Variants in ADAM12 observed in about 807,000 individuals in gnomAD.
The protein encoded by ADAM12 is ADAM metallopeptidase domain 12.
In ADAM12, 70 loss-of-function variants were observed where a neutral mutation model predicts 106.4. The ratio of observed to expected loss-of-function variants is 0.66; its 90% CI spans 0.54 to 0.80. ADAM12 has a LOEUF of 0.80. Ranked by LOEUF, ADAM12 falls within the 30% of genes least tolerant of loss-of-function variation. ADAM12 has a pLI of 0.00. For missense variants in ADAM12, 1,010 were observed against 1,171.9 expected (o/e 0.86, Z 2.02); for synonymous variants, 420 against 433.5 (o/e 0.97, Z 0.39).
intron 2 of ADAM12, among the ~76,000 whole-genome samples, chr10:126,316,056 C>A (rs1853855745): frequency 1.3e-5 from 2 of 152,162 alleles, no homozygotes; most frequent in African/African-American, 4.8e-5. Flanking sequence ...TTGTTTTGAA[C>A]TACAAAAGAA....
chr10:126,248,856 C>A (rs1035906625), intron 3 of ADAM12, among the ~76,000 whole-genome samples: 13 of 151,964 alleles, frequency 8.6e-5, no homozygotes, highest in Non-Finnish European at 1.9e-4. Flanking sequence ...CAGACAGGCG[C>A]CATCGTACCT....
intron 3 of ADAM12, among the ~76,000 whole-genome samples, chr10:126,260,020 G>A (rs1442256402): frequency 6.6e-6 from 1 of 152,212 alleles, no homozygotes; most frequent in Non-Finnish European, 1.5e-5. Context: ...ATCTCCCAGA[G>A]GTGACAGTAC....
At chr10:126,251,613 C>CGGGATGGATAGGATGG (rs1958757227) in intron 3 of ADAM12, among the ~76,000 whole-genome samples, 5 of 148,706 alleles carry the variant, frequency 3.4e-5, no homozygotes, top group East Asian at 2.0e-4. Context: ...TGGATGGATG[C>CGGGATGGATAGGATGG]ATGGATAGAT....
intron 3 of ADAM12, among the ~76,000 whole-genome samples, chr10:126,155,704 C>T (rs1226540491): frequency 6.6e-6 from 1 of 152,236 alleles, no homozygotes; most frequent in Non-Finnish European, 1.5e-5. Flanking sequence ...AAGTCACAGT[C>T]TCCACCAACT....
intron 8 of ADAM12, among the ~76,000 whole-genome samples, chr10:126,106,955 C>T (rs939759561): frequency 6.6e-6 from 1 of 152,174 alleles, no homozygotes; most frequent in Non-Finnish European, 1.5e-5. Context: ...AAGATGGCTT[C>T]GTAGAACAGC....
intron 14 of ADAM12, among the ~76,000 whole-genome samples, chr10:126,050,142 T>C (rs1954442477): frequency 6.6e-6 from 1 of 152,244 alleles, no homozygotes; most frequent in Admixed American, 6.5e-5. Context: ...TTCTATGATA[T>C]TTTTAGTCCC....
In ADAM12 at chr10:126,036,228, A is replaced by G; in HGVS notation, c.2447T>C (p.Leu816Pro). 6.4e-7 allele frequency: 1 copy of G among 1,550,502 alleles called. No individual in the cohort carries two copies. Among genetic ancestry groups the G allele is most frequent in the Non-Finnish European group, 8.7e-7 (1 of 1,153,560 alleles). ...VPQPQSTQRV[L>P]PPLHRAPRAP... Reference sequence around the variant, plus strand: ...ACGTGGAGCCCGGTGGAGGGGAGGAAGCACTCGCTGAGTTGACTGGGGCTG... The same window carrying G: ...ACGTGGAGCCCGGTGGAGGGGAGGAGGCACTCGCTGAGTTGACTGGGGCTG... Residue 816 changes from leucine to proline, a missense_variant, in exon 21 of 23, where the codon CTT becomes CCT. Physicochemically the swap from Leu to Pro is moderately conservative, Grantham distance 98 (BLOSUM62 -3). Transcript: ENST00000448723.
chr10:126,277,642 T>C lies in ADAM12; in HGVS notation c.260+1273A>G, dbSNP rs550975474. Among the ~76,000 whole-genome samples, 8 of 152,304 alleles carry C rather than the reference T, an allele frequency of 5.3e-5. No homozygotes were observed. The South Asian group carries it at 1.2e-3, about 24-fold the overall frequency. On this transcript the variant is annotated intron_variant, in intron 3 of 22. Transcript: ENST00000448723. ...TAAGGGAGACGGATCAAAAGCAATATACAGTTTTCTCTTCAGATTCCTGAT... is the reference window on the plus strand; with the variant it reads ...TAAGGGAGACGGATCAAAAGCAATACACAGTTTTCTCTTCAGATTCCTGAT...
intron 21 of ADAM12, among the ~76,000 whole-genome samples, chr10:126,026,671 CTT>C (rs1953879695): frequency 6.6e-6 from 1 of 152,106 alleles, no homozygotes; most frequent in Non-Finnish European, 1.5e-5. Context: ...CTGAATGACT[CTT>C]GGGTAAATAA....
chr10:126,341,162 T>C (rs1240176523), intron 1 of ADAM12, among the ~76,000 whole-genome samples: 4 of 152,182 alleles, frequency 2.6e-5, no homozygotes, highest in Non-Finnish European at 4.4e-5. Context: ...CCAACCCAAG[T>C]TGCTTCCCGG....
At chr10:126,330,075 G>A (rs997243945) in intron 2 of ADAM12, among the ~76,000 whole-genome samples, 20 of 152,106 alleles carry the variant, frequency 1.3e-4, no homozygotes, top group Admixed American at 6.5e-5. Context: ...TCAATTCGAG[G>A]AAATCAATGT....
chr10:126,251,885 A>AGGATGG (rs1565168728), intron 3 of ADAM12, among the ~76,000 whole-genome samples: 10 of 69,118 alleles, frequency 1.4e-4, no homozygotes, highest in African/African-American at 2.6e-4. Context: ...GGATGGATGC[A>AGGATGG]ATGGATGGAT....
At chr10:126,037,619 C>T (rs915788750) in intron 20 of ADAM12, among the ~76,000 whole-genome samples, 3 of 152,018 alleles carry the variant, frequency 2.0e-5, no homozygotes, top group African/African-American at 7.2e-5. Flanking sequence ...CAGAAAAACT[C>T]GGTGGGGAAG....
At chr10:126,301,716 C>T (rs960327144) in intron 2 of ADAM12, among the ~76,000 whole-genome samples, 1 of 151,956 alleles carries the variant, frequency 6.6e-6, no homozygotes, top group Admixed American at 6.6e-5. Context: ...ATATTTAATC[C>T]CAAGCAATAA....
chr10:126,038,253 G>A lies in ADAM12; in HGVS notation c.2337C>T (p.Ser779=). 1.2e-6 allele frequency: 2 copies of A among 1,610,268 alleles called. No individual in the cohort carries two copies. The highest frequency in any genetic ancestry group is 1.7e-6 in the Non-Finnish European group (2 of 1,178,558). The change falls in exon 20 of 23, where the codon TCC becomes TCT. Residue 779 remains serine, a synonymous_variant. Coordinates refer to ENST00000448723, the MANE Select transcript of ADAM12 (RefSeq NM_001288973.2). ...ACTCAAGACTCACCTTCGGTGGGTA[G>A]GAATCTGGCGGCTTCCTCATCAGGC... ...GKGLMRKPPD[S]YPPKDNPRRL...
At chr10:126,203,669 C>G (rs897034659) in intron 3 of ADAM12, among the ~76,000 whole-genome samples, 2 of 152,238 alleles carry the variant, frequency 1.3e-5, no homozygotes, top group African/African-American at 2.4e-5. Flanking sequence ...GCTTATCTGA[C>G]AGGATCTGAT....
At chr10:126,029,543 A>C (rs891885245) in intron 21 of ADAM12, among the ~76,000 whole-genome samples, 2 of 152,168 alleles carry the variant, frequency 1.3e-5, no homozygotes, top group Admixed American at 6.5e-5. Context: ...GAATGATGAG[A>C]ACACATGGAC....
At chr10:126,116,858 C>T (rs1955993001) in intron 6 of ADAM12, among the ~76,000 whole-genome samples, 1 of 152,086 alleles carries the variant, frequency 6.6e-6, no homozygotes, top group Non-Finnish European at 1.5e-5. Context: ...TAGAAGGTAT[C>T]ATTTGGGATA....
intron 22 of ADAM12, 83 bp downstream of exon 22, chr10:126,019,612 C>T (rs1460943680): frequency 1.3e-6 from 2 of 1,543,560 alleles, no homozygotes; most frequent in Non-Finnish European, 1.8e-6. Flanking sequence ...GACCACTGCA[C>T]CCCTGTCCTG....
Sources: gnomAD v4.1 joint callset for allele counts (sites outside exome capture counted in the v4.1 genomes callset) on GRCh38, gnomAD v4.1.1 for gene constraint, MANE v1.5 for transcripts, NCBI Gene and HGNC (gene_info 2026-07-23, HGNC 2026-07-21) for gene names.